The following LEPR variants were observed in gnomAD, a reference collection of about 807,000 sequenced individuals.
The protein encoded by LEPR is OB receptor.
A neutral mutation model predicts 114.7 loss-of-function variants in LEPR; 56 were observed. The observed-to-expected ratio is 0.49, with a 90% CI of 0.39 to 0.61. The LOEUF (loss-of-function observed/expected upper bound fraction) is 0.61, where lower values mean the gene tolerates loss of function less well. Ranked by LOEUF, LEPR falls within the 20% of genes least tolerant of loss-of-function variation. LEPR has a pLI of 0.00. For synonymous variants in LEPR, 443 were observed against 461.4 expected (o/e 0.96, Z 0.51); for missense variants, 1,202 against 1,352.9 (o/e 0.89, Z 1.75).
intron 2 of LEPR, among the ~76,000 whole-genome samples, chr1:65,449,289 T>C (rs987938418): frequency 6.6e-6 from 1 of 151,406 alleles, no homozygotes; most frequent in Non-Finnish European, 1.5e-5. Flanking sequence ...GCTGAGGTTT[T>C]ATTTTGGAAA....
intron 2 of LEPR, among the ~76,000 whole-genome samples, chr1:65,510,669 G>A (rs751265093): frequency 9.9e-5 from 15 of 152,218 alleles, no homozygotes; most frequent in South Asian, 2.1e-4. Flanking sequence ...TCTCAAAAGC[G>A]CAGACTAGGA....
At chr1:65,520,802 G>A (rs1466653870) in intron 2 of LEPR, among the ~76,000 whole-genome samples, 2 of 152,184 alleles carry the variant, frequency 1.3e-5, no homozygotes, top group Non-Finnish European at 2.9e-5. Flanking sequence ...GGAAATAAAG[G>A]GATTGGCTGA....
intron 2 of LEPR, chr1:65,525,872 G>C: frequency 1.0e-6 from 1 of 977,288 alleles, no homozygotes; most frequent in Non-Finnish European, 1.2e-6. Flanking sequence ...TCCCGCTCTG[G>C]GTAACTCGAG....
chr1:65,598,579 G>A, intron 7 of LEPR, 81 bp from the exon 8 acceptor site: 2 of 1,573,934 alleles, frequency 1.3e-6, no homozygotes, highest in Non-Finnish European at 1.7e-6. Flanking sequence ...TTTGAAATTT[G>A]ATGAGATTAG....
intron 5 of LEPR, chr1:65,577,821 T>C (rs1032090846): frequency 1.3e-5 from 2 of 151,112 alleles, no homozygotes; most frequent in Non-Finnish European, 2.9e-5. Flanking sequence ...CTTTTTTTTT[T>C]TAATATAGTT....
chr1:65,547,099 T>C (rs1192076340), intron 2 of LEPR, among the ~76,000 whole-genome samples: 1 of 151,894 alleles, frequency 6.6e-6, no homozygotes, highest in Non-Finnish European at 1.5e-5. Flanking sequence ...GTTTATATGC[T>C]GGATTACATT....
chr1:65,581,087 G>A (rs1570744901), intron 5 of LEPR, among the ~76,000 whole-genome samples: 2 of 152,142 alleles, frequency 1.3e-5, no homozygotes, highest in African/African-American at 4.8e-5. Context: ...CAGCATCCAT[G>A]TGATTAATCT....
Position 65,429,374 on chromosome 1 carries a change from AAG to A in LEPR, c.-21+3999_-21+4000del, listed in dbSNP as rs1646442766. ...CTACAGATTAAGCAAATGAAGGGAA[AAG>A]AGTACAAAATGAATGGAAGAAGTAG... On this transcript the variant is annotated intron_variant, in intron 2 of 19. Coordinates refer to ENST00000349533, the MANE Select transcript of LEPR (RefSeq NM_002303.6). Among the ~76,000 whole-genome samples, 4 of 152,262 alleles carry A rather than the reference AAG, an allele frequency of 2.6e-5. No individual in the cohort carries two copies. The South Asian group carries it at 8.3e-4, about 32-fold the overall frequency.
At chr1:65,548,861 C>A (rs1298137657) in intron 2 of LEPR, among the ~76,000 whole-genome samples, 1 of 152,140 alleles carries the variant, frequency 6.6e-6, no homozygotes, top group Admixed American at 6.5e-5. Context: ...ATGATGTTAG[C>A]TGGTTATTTT....
intron 3 of LEPR, among the ~76,000 whole-genome samples, chr1:65,569,935 A>G (rs1654039652): frequency 6.8e-6 from 1 of 146,648 alleles, no homozygotes; most frequent in African/African-American, 2.5e-5. Context: ...GGGAAAATTC[A>G]GGAGATCATC....
Position 65,601,381 on chromosome 1 carries a change from C to G in LEPR, c.995-11C>G. ...TGTCTTCATCTGATATCCTTTCTTCCCTCATTACAGATGTCATATACTTTC... is the reference window on the plus strand; with the variant it reads ...TGTCTTCATCTGATATCCTTTCTTCGCTCATTACAGATGTCATATACTTTC... On this transcript the variant is annotated splice_polypyrimidine_tract_variant and intron_variant, in intron 8 of 19. Coordinates refer to ENST00000349533, the MANE Select transcript of LEPR (RefSeq NM_002303.6). 1 of 1,611,106 alleles carries G rather than the reference C, an allele frequency of 6.2e-7. No individual in the cohort carries two copies. The highest frequency in any genetic ancestry group is 8.5e-7 in the Non-Finnish European group (1 of 1,179,306).
At chr1:65,464,451 G>T (rs2209707) in intron 2 of LEPR, among the ~76,000 whole-genome samples, 3 of 152,006 alleles carry the variant, frequency 2.0e-5, no homozygotes, top group African/African-American at 7.2e-5. Flanking sequence ...GGATTTTTGC[G>T]TTGATGTTCA....
chr1:65,495,913 G>A (rs753650658), intron 2 of LEPR, among the ~76,000 whole-genome samples: 34 of 152,284 alleles, frequency 2.2e-4, no homozygotes, highest in South Asian at 6.2e-4. Flanking sequence ...TAGGGGAGTG[G>A]AGGATAGGGA....
intron 2 of LEPR, among the ~76,000 whole-genome samples, chr1:65,454,649 T>C (rs925303011): frequency 6.6e-6 from 1 of 152,212 alleles, no homozygotes; most frequent in African/African-American, 2.4e-5. Flanking sequence ...TGCCGAGAGA[T>C]CCACTGTTAG....
chr1:65,528,986 T>C (rs1650178709), intron 2 of LEPR, among the ~76,000 whole-genome samples: 1 of 133,960 alleles, frequency 7.5e-6, no homozygotes, highest in Non-Finnish European at 1.6e-5. Context: ...TTTTTTTTTT[T>C]GTATTTTTAG....
intron 2 of LEPR, chr1:65,434,566 C>G (rs1646532928): frequency 1.0e-6 from 1 of 985,298 alleles, no homozygotes; most frequent in Non-Finnish European, 1.2e-6. Context: ...ATATACCTAA[C>G]CTGTGATACT....
intron 2 of LEPR, among the ~76,000 whole-genome samples, chr1:65,500,323 T>G (rs893382342): frequency 4.6e-5 from 7 of 152,188 alleles, no homozygotes; most frequent in Non-Finnish European, 1.0e-4. Flanking sequence ...CTATGTTATA[T>G]TGGCCAGTTC....
intron 2 of LEPR, among the ~76,000 whole-genome samples, chr1:65,543,623 T>A (rs992587806): frequency 2.0e-5 from 3 of 152,024 alleles, no homozygotes; most frequent in Non-Finnish European, 4.4e-5. Context: ...AAGTCTTTAA[T>A]CCATCTTGAG....
intron 2 of LEPR, among the ~76,000 whole-genome samples, chr1:65,455,657 G>T (rs536604442): frequency 6.6e-6 from 1 of 152,186 alleles, no homozygotes; most frequent in Non-Finnish European, 1.5e-5. Context: ...CTCCAGCTGC[G>T]TGCTGGGAGA....
Sources: allele counts gnomAD v4.1 joint callset (sites outside exome capture counted in the v4.1 genomes callset), GRCh38; gene constraint gnomAD v4.1.1; transcripts MANE v1.5; gene names NCBI Gene and HGNC (gene_info 2026-07-23, HGNC 2026-07-21).